HACE1: variants seen among roughly 807,000 people sequenced by gnomAD.
HACE1 encodes HECT domain and ankyrin repeat containing E3 ubiquitin protein ligase 1.
In HACE1, 73 loss-of-function variants were observed where a neutral mutation model predicts 118.4. The ratio of observed to expected loss-of-function variants is 0.62; its 90% confidence interval spans 0.51 to 0.75. The LOEUF (loss-of-function observed/expected upper bound fraction) is 0.75, where lower values mean the gene tolerates loss of function less well. HACE1 is among the 30% of genes least tolerant of loss of function. HACE1 has a pLI of 0.00. For missense variants in HACE1, 749 were observed against 1,102.2 expected (o/e 0.68, Z 4.54); for synonymous variants, 368 against 374.8 (o/e 0.98, Z 0.21).
At chr6:104,750,907 C>T (rs1246367897) in intron 19 of HACE1, among the ~76,000 whole-genome samples, 1 of 152,152 alleles carries the variant, frequency 6.6e-6, no homozygotes, top group East Asian at 1.9e-4. Context: ...CATAGATATA[C>T]ATGTGTGTGT....
At chr6:104,735,570 A>G (rs1391112510) in intron 22 of HACE1, among the ~76,000 whole-genome samples, 1 of 151,986 alleles carries the variant, frequency 6.6e-6, no homozygotes, top group Non-Finnish European at 1.5e-5. Flanking sequence ...GGCGCAGCTT[A>G]CAGTGAGCCG....
intron 9 of HACE1, 74 bp downstream of exon 9, chr6:104,796,581 A>G: frequency 1.2e-6 from 1 of 803,172 alleles, no homozygotes. Flanking sequence ...AGCTAAGCAC[A>G]TTTGTAAAAT....
At chr6:104,798,055 C>CA (rs1769875781) in intron 7 of HACE1, among the ~76,000 whole-genome samples, 1 of 117,372 alleles carries the variant, frequency 8.5e-6, no homozygotes, top group Non-Finnish European at 1.7e-5. Flanking sequence ...GTAACAAGAG[C>CA]AAAACCCCGT....
chr6:104,805,072 A>G (rs901453408), intron 7 of HACE1, among the ~76,000 whole-genome samples: 6 of 152,262 alleles, frequency 3.9e-5, no homozygotes, highest in African/African-American at 1.4e-4. Context: ...TTCTCAAAAG[A>G]AGACAATTAT....
rs1777111262 is a variant in HACE1 at position 104,859,609 on chromosome 6, T to A, written c.34A>T (p.Thr12Ser). ...GTGCGCGCGCGGCGCAGCGAGCGCG[T>A]CAGGCGGTTGAGTTGCTCCATCGCT... ...ERAMEQLNRL[T>S]RSLRRARTVE... is the part of the protein sequence containing the mutation. The change falls in exon 1 of 24, where the codon ACG becomes TCG. Residue 12 changes from threonine (T) to serine (S), a missense_variant. By Grantham distance (58) the Thr-to-Ser change is moderately conservative. Coordinates refer to ENST00000262903, the MANE Select transcript of HACE1 (RefSeq NM_020771.4). 6.5e-7 allele frequency: 1 copy of A among 1,530,634 alleles called. No individual in the cohort carries two copies. The highest frequency in any genetic ancestry group is 1.4e-5 in the African/African-American group (1 of 70,324). 94.8% of individuals were successfully genotyped at this position (1,530,634 alleles called of 1,614,324 possible). A position where few individuals can be genotyped will look rare whatever the true frequency, so the allele number is the denominator to read the frequency against.
At chr6:104,744,657 A>C (rs746897669) in intron 20 of HACE1, 47 bp from the exon 21 acceptor site, 1 of 1,081,120 alleles carries the variant, frequency 9.2e-7, no homozygotes, top group Non-Finnish European at 1.4e-6. Flanking sequence ...TTAGGGAAAA[A>C]AGTTATTATA....
chr6:104,732,060 CAG>C (rs1191478971), intron 22 of HACE1: 3 of 152,022 alleles, frequency 2.0e-5, no homozygotes, highest in Non-Finnish European at 2.9e-5. Flanking sequence ...AAACAAAAGA[CAG>C]AAAATTACAA....
chr6:104,829,396 G>A (rs1014515197), intron 6 of HACE1, among the ~76,000 whole-genome samples: 2 of 152,080 alleles, frequency 1.3e-5, no homozygotes, highest in South Asian at 4.1e-4. Flanking sequence ...AAATACATGA[G>A]TAATTCTGAA....
intron 22 of HACE1, among the ~76,000 whole-genome samples, chr6:104,737,075 G>A (rs984595734): frequency 2.6e-5 from 4 of 151,528 alleles, no homozygotes; most frequent in East Asian, 1.9e-4. Context: ...CCTGAGGTCA[G>A]GAGTTCAAGA....
chr6:104,759,691 A>G (rs1779117979), intron 19 of HACE1, among the ~76,000 whole-genome samples: 1 of 152,210 alleles, frequency 6.6e-6, no homozygotes, highest in African/African-American at 2.4e-5. Flanking sequence ...ACAAGAAATA[A>G]CTAAGATCAG....
chr6:104,739,533 C>T (rs969166391), intron 22 of HACE1, among the ~76,000 whole-genome samples: 3 of 151,884 alleles, frequency 2.0e-5, no homozygotes, highest in South Asian at 2.1e-4. Flanking sequence ...TCTGATAAAA[C>T]AGACTTTAAA....
chr6:104,818,476 C>T (rs952556019), intron 6 of HACE1, among the ~76,000 whole-genome samples: 2 of 152,094 alleles, frequency 1.3e-5, no homozygotes, highest in Admixed American at 1.3e-4. Context: ...AAAGCTGCTA[C>T]CATTCCCATT....
At chr6:104,793,266 CAAAAAAAAAA>C (rs397887197) in intron 10 of HACE1, among the ~76,000 whole-genome samples, 2 of 92,888 alleles carry the variant, frequency 2.2e-5, no homozygotes, top group Non-Finnish European at 4.5e-5. Context: ...GACTACATCT[CAAAAAAAAAA>C]AAAAAAAAAA....
At chr6:104,802,033 C>CAA (rs533831848) in intron 7 of HACE1, among the ~76,000 whole-genome samples, 5,196 of 58,622 alleles carry the variant, frequency 0.089, 161 homozygotes, top group East Asian at 0.21. Flanking sequence ...AACGAAAAGC[C>CAA]AAAAAAAAAA....
At chr6:104,763,855 GC>G (rs1389431996) in intron 19 of HACE1, among the ~76,000 whole-genome samples, 1 of 152,082 alleles carries the variant, frequency 6.6e-6, no homozygotes, top group African/African-American at 2.4e-5. Context: ...ATCGAGACCA[GC>G]CTGGCCAACA....
intron 4 of HACE1, among the ~76,000 whole-genome samples, chr6:104,846,625 C>A (rs191177750): frequency 3.0e-4 from 46 of 152,264 alleles, no homozygotes; most frequent in Non-Finnish European, 5.1e-4. Flanking sequence ...ATATAGCAGC[C>A]ATCTGATGAC....
chr6:104,832,116 A>G (rs1222485818), intron 6 of HACE1, among the ~76,000 whole-genome samples: 1 of 152,202 alleles, frequency 6.6e-6, no homozygotes, highest in Non-Finnish European at 1.5e-5. Flanking sequence ...AACCTGACTC[A>G]TACTATTAAC....
At chr6:104,804,717 T>C (rs551969818) in intron 7 of HACE1, among the ~76,000 whole-genome samples, 1 of 152,242 alleles carries the variant, frequency 6.6e-6, no homozygotes, top group East Asian at 1.9e-4. Context: ...TCAGGATGGA[T>C]TAAAAACTTA....
Position 104,779,441 on chromosome 6 carries a change from A to G in HACE1, c.1567-2124T>C, listed in dbSNP as rs183234152. Among the ~76,000 whole-genome samples, 149 of 152,346 alleles carry G rather than the reference A, an allele frequency of 9.8e-4. 1 individual carries two copies. The highest frequency in any genetic ancestry group is 2.5e-3 in the Admixed American group (38 of 15,292). ...TTTTAATATTTGCTTTCAGTAAGAA[A>G]AGAATAAATGCTACCTTTTTAAAGT... On this transcript the variant is annotated intron_variant, in intron 14 of 23. Coordinates refer to ENST00000262903, the MANE Select transcript of HACE1 (RefSeq NM_020771.4).
Sources: gnomAD v4.1 joint callset for allele counts (sites outside exome capture counted in the v4.1 genomes callset) on GRCh38, gnomAD v4.1.1 for gene constraint, MANE v1.5 for transcripts, NCBI Gene and HGNC (gene_info 2026-07-23, HGNC 2026-07-21) for gene names.